MSH3: variants seen among roughly 807,000 people sequenced by gnomAD.
MSH3 encodes mutS homolog 3.
MSH3 carries 106 observed loss-of-function variants against 123.3 expected under a neutral mutation model. That is an observed-to-expected ratio of 0.86 (90% CI 0.73 to 1.01). The LOEUF is 1.01. Ranked by LOEUF, MSH3 falls within the 50% of genes least tolerant of loss-of-function variation. The pLI is 0.00. For missense variants in MSH3, 1,459 were observed against 1,347.6 expected (o/e 1.08, Z -1.29); for synonymous variants, 515 against 481.4 (o/e 1.07, Z -0.91).
intron 20 of MSH3, among the ~76,000 whole-genome samples, chr5:80,840,809 T>C (rs1467536977): frequency 6.6e-6 from 1 of 152,034 alleles, no homozygotes; most frequent in Non-Finnish European, 1.5e-5. Context: ...GTGTTCTCAT[T>C]GTTCAACACC....
intron 2 of MSH3, among the ~76,000 whole-genome samples, chr5:80,659,494 A>T (rs1749379470): frequency 6.6e-6 from 1 of 152,140 alleles, no homozygotes; most frequent in South Asian, 2.1e-4. Flanking sequence ...AAATGGAATC[A>T]TACAATATGT....
chr5:80,740,701 A>G (rs1304605938), intron 10 of MSH3, among the ~76,000 whole-genome samples: 7 of 144,688 alleles, frequency 4.8e-5, no homozygotes, highest in Non-Finnish European at 1.1e-4. Flanking sequence ...CACTTGTTGC[A>G]TATGTTAGAA....
chr5:80,746,562 G>A, intron 12 of MSH3: 1 of 419,272 alleles, frequency 2.4e-6, no homozygotes. Flanking sequence ...GGAATTGTTG[G>A]TCCTAAGGAG....
At chr5:80,806,639 T>C (rs1033289472) in intron 19 of MSH3, among the ~76,000 whole-genome samples, 1 of 152,160 alleles carries the variant, frequency 6.6e-6, no homozygotes, top group Non-Finnish European at 1.5e-5. Context: ...TATAATAACT[T>C]TTTACATCTG....
intron 8 of MSH3, among the ~76,000 whole-genome samples, chr5:80,693,540 T>TGCACATGTATGTGTTTATATAA (rs1750388180): frequency 1.1e-5 from 1 of 92,216 alleles, no homozygotes; most frequent in Non-Finnish European, 2.4e-5. Context: ...TATATAAATA[T>TGCACATGTATGTGTTTATATAA]ATATGCACAT....
rs548226643 is a variant in MSH3, at chr5:80,722,942, T to C, written c.1341-2511T>C. Among the ~76,000 whole-genome samples, 342 of 152,004 alleles carry C rather than the reference T, an allele frequency of 2.2e-3. 4 individuals are homozygous for C. The highest frequency in any genetic ancestry group is 8.0e-3 in the African/African-American group (330 of 41,474). The stretch of plus-strand genomic sequence containing the variant: ...CAACATGGCGAAACCCTGTATCTAC[T>C]AAAAATACAAAAAAATTAGCTGGGC... On this transcript the variant is annotated intron_variant, in intron 8 of 23. Coordinates refer to ENST00000265081, the MANE Select transcript of MSH3 (RefSeq NM_002439.5).
At chr5:80,856,138 G>A (rs1745915843) in intron 21 of MSH3, among the ~76,000 whole-genome samples, 1 of 151,974 alleles carries the variant, frequency 6.6e-6, no homozygotes, top group African/African-American at 2.4e-5. Context: ...ACCTGCCTTG[G>A]CTTCCCAAAG....
chr5:80,687,628 C>T (rs190133845), intron 8 of MSH3, among the ~76,000 whole-genome samples: 162 of 152,176 alleles, frequency 1.1e-3, no homozygotes, highest in Non-Finnish European at 3.7e-4. Context: ...GTCTGAGGCA[C>T]ACAGGCTGGA....
intron 8 of MSH3, among the ~76,000 whole-genome samples, chr5:80,695,361 G>A (rs1379768864): frequency 2.6e-5 from 4 of 151,646 alleles, no homozygotes; most frequent in Non-Finnish European, 4.4e-5. Context: ...TTGAGACAGA[G>A]TTTTGCTTTT....
intron 22 of MSH3, among the ~76,000 whole-genome samples, chr5:80,867,258 C>G (rs939847227): frequency 2.6e-5 from 4 of 152,222 alleles, no homozygotes; most frequent in Non-Finnish European, 4.4e-5. Flanking sequence ...TTCCCAGGCT[C>G]TGTCTTCCTG....
chr5:80,672,693 A>G (rs1561437226), intron 5 of MSH3, 48 bp from the exon 6 acceptor site: 2 of 1,443,178 alleles, frequency 1.4e-6, no homozygotes, highest in Non-Finnish European at 2.0e-6. Context: ...GAGTTTTTAC[A>G]AGTCATTTTT....
chr5:80,697,440 T>A (rs950376661), intron 8 of MSH3, among the ~76,000 whole-genome samples: 2 of 152,242 alleles, frequency 1.3e-5, no homozygotes, highest in Non-Finnish European at 2.9e-5. Context: ...AATCAGTGAA[T>A]CAAACCTGTG....
chr5:80,733,493 A>C (rs1464469718), intron 10 of MSH3, among the ~76,000 whole-genome samples: 3 of 152,160 alleles, frequency 2.0e-5, no homozygotes, highest in African/African-American at 7.2e-5. Flanking sequence ...ATCAAAGTAA[A>C]AGCTTTTATT....
chr5:80,707,087 T>C (rs1750743305), intron 8 of MSH3, among the ~76,000 whole-genome samples: 1 of 152,232 alleles, frequency 6.6e-6, no homozygotes, highest in Non-Finnish European at 1.5e-5. Flanking sequence ...CACTATAGGA[T>C]AGTTTAGACT....
Position 80,661,149 on chromosome 5 carries a change from G to C in MSH3, c.359-3994G>C, listed in dbSNP as rs374645701. Among the ~76,000 whole-genome samples the C allele has an allele frequency of 3.9e-5, 6 of 152,202 alleles. No individual in the cohort carries two copies. In the East Asian group the frequency reaches 1.2e-3, roughly 29 times the overall value. On this transcript the variant is annotated intron_variant, in intron 2 of 23. Coordinates refer to ENST00000265081, the MANE Select transcript of MSH3 (RefSeq NM_002439.5). The stretch of plus-strand genomic sequence containing the variant: ...TCTTCATTTATTTTTATCCTGTTTA[G>C]AGCTCATTTAAAGCTTCTCGAGTCT...
intron 20 of MSH3, among the ~76,000 whole-genome samples, chr5:80,830,358 G>A (rs1257755676): frequency 6.6e-6 from 1 of 152,084 alleles, no homozygotes; most frequent in Admixed American, 6.6e-5. Flanking sequence ...ACAAATTTAG[G>A]AGCCATTGTT....
intron 8 of MSH3, among the ~76,000 whole-genome samples, chr5:80,705,923 G>A (rs1172928627): frequency 6.6e-6 from 1 of 152,182 alleles, no homozygotes; most frequent in African/African-American, 2.4e-5. Context: ...TACTGAGGGT[G>A]TGGACTTCCA....
chr5:80,796,574 T>C (rs1163773007), intron 19 of MSH3, among the ~76,000 whole-genome samples: 2 of 152,164 alleles, frequency 1.3e-5, no homozygotes, highest in African/African-American at 2.4e-5. Context: ...TTATAAAATA[T>C]ACCCTGAAAA....
chr5:80,763,067 G>A (rs1302735230), intron 13 of MSH3, among the ~76,000 whole-genome samples: 16 of 152,088 alleles, frequency 1.1e-4, no homozygotes, highest in African/African-American at 3.4e-4. Flanking sequence ...GGCTGGTATC[G>A]AACTCCTGAC....
Sources: gnomAD v4.1 joint callset for allele counts (sites outside exome capture counted in the v4.1 genomes callset) on GRCh38, gnomAD v4.1.1 for gene constraint, MANE v1.5 for transcripts, NCBI Gene and HGNC (gene_info 2026-07-23, HGNC 2026-07-21) for gene names.